Variants in SERPINA7 observed in about 807,000 individuals in gnomAD.
SERPINA7 encodes the protein thyroxine-binding globulin.
SERPINA7 carries 14 observed loss-of-function variants against 16.0 expected under a neutral mutation model. That is an observed-to-expected ratio of 0.88 (90% CI 0.58 to 1.37). SERPINA7 has a LOEUF of 1.37. SERPINA7 is among the 40% of genes most tolerant of loss of function. The pLI is 0.00. For synonymous variants in SERPINA7, 140 were observed against 111.0 expected (o/e 1.26, Z -1.65); for missense variants, 335 against 296.6 (o/e 1.13, Z -0.95).
Position 106,035,274 on chromosome X carries a change from T to C in SERPINA7, c.734A>G (p.Tyr245Cys). The change falls in exon 3 of 5, where the codon TAT (tyrosine) becomes TGT (cysteine). Residue 245 changes from tyrosine to cysteine, a missense_variant. Tyr to Cys is a radical substitution (Grantham distance 194, BLOSUM62 -2). Coordinates refer to ENST00000372563, the MANE Select transcript of SERPINA7 (RefSeq NM_000354.6). ...VPMMHQMEQY[Y>C]HLVDMELNCT... ...GTTCAATTCCATATCCACTAGGTGA[T>C]AGTATTGTTCCATCTGGTGCATCAT... is the stretch of plus-strand genomic sequence containing the variant. The C allele has an allele frequency of 8.3e-7, 1 of 1,209,643 alleles. No homozygotes were observed. The highest frequency in any genetic ancestry group is 1.8e-5 in the South Asian group (1 of 56,823).
chrX:106,037,246 A>C, intron 1 of SERPINA7, 171 bp from the exon 2 acceptor site: 1 of 451,561 alleles, frequency 2.2e-6, no homozygotes, highest in South Asian at 3.4e-5. Flanking sequence ...AAAACAGGAG[A>C]TGCATCTAAT....
intron 2 of SERPINA7, among the ~76,000 whole-genome samples, chrX:106,035,756 T>C (rs1222029559): frequency 8.9e-6 from 1 of 112,409 alleles, no homozygotes; most frequent in Non-Finnish European, 1.9e-5. Context: ...AATCTATCTA[T>C]GTGTGGTTTG....
chrX:106,034,203 A>G (rs1241374739), intron 4 of SERPINA7, 32 bp downstream of exon 4: 1 of 1,189,452 alleles, frequency 8.4e-7, no homozygotes, highest in Admixed American at 2.2e-5. Context: ...CTTCCAGTTC[A>G]TACATTTAAG....
In SERPINA7 at chrX:106,033,512, T is replaced by C. The variant is rs1285325942; in HGVS notation, c.1236A>G (p.Pro412=). The C allele has an allele frequency of 4.1e-6, 5 of 1,209,624 alleles. No individual in the cohort carries two copies. In the African/African-American group the frequency reaches 8.7e-5, roughly 21 times the overall value. ...GCCTTTTTCCCAACTACGCTTCCGT[T>C]GGGTTCACAACTTTCCCTAGAAAGA... ...SILFLGKVVN[P]TEA is the part of the protein sequence containing the mutation. Residue 412 remains proline, a synonymous_variant, in exon 5 of 5, where the codon CCA becomes CCG. Transcript: ENST00000372563.
At position 106,033,104 on chromosome X, in the gene SERPINA7, T is replaced by A. The variant is rs1361699314; in HGVS notation, c.*396A>T. 9.4e-6 allele frequency: 2 copies of A among 212,716 alleles called. No homozygotes were observed. Among genetic ancestry groups the A allele is most frequent in the Non-Finnish European group, 1.7e-5 (2 of 117,140 alleles). 17.5% of individuals were successfully genotyped at this position (212,716 alleles called of 1,213,427 possible). A position where few individuals can be genotyped will look rare whatever the true frequency, so the allele number is the denominator to read the frequency against. ...AGAAGTTCACATATAAGACAATGCA[T>A]CTGCATTGTTTTATGTCCATTGATC... On this transcript the variant is annotated 3_prime_UTR_variant, in exon 5 of 5. Transcript: ENST00000372563.
intron 2 of SERPINA7, 53 bp from the exon 3 acceptor site, chrX:106,035,438 A>T: frequency 9.0e-7 from 1 of 1,110,689 alleles, no homozygotes; most frequent in Non-Finnish European, 1.2e-6. Context: ...ATCAGTACCA[A>T]CAAGACCTTT....
rs758185127 is a variant in SERPINA7, at chrX:106,036,808, GC to G, written c.250del (p.Ala84ProfsTer23). 1 of 1,211,020 alleles carries G rather than the reference GC, an allele frequency of 8.3e-7. No individual in the cohort carries two copies. On this transcript the variant is annotated frameshift_variant, in exon 2 of 5. Transcript: ENST00000372563. LOFTEE classifies it high-confidence loss of function. ...AATCTCAGTTTGGGTGCTGCAGCAG[GC>G]CCCAAAGGAAAGCATAACCAAAGCT... ...SAALVMLSFG[A>X]CCSTQTEIVE...
At chrX:106,034,116 GA>G in intron 4 of SERPINA7, 118 bp downstream of exon 4, 1 of 676,593 alleles carries the variant, frequency 1.5e-6, no homozygotes, top group Non-Finnish European at 2.3e-6. Context: ...AGCTTAGGAG[GA>G]GTCACACCGC....
At position 106,036,432 on chromosome X, in the gene SERPINA7, C is replaced by G; in HGVS notation, c.622+5G>C. ...AGACTGAAAATTGACATCTGAAAGTCTTACCTTTAAAGTGAATATAGTTCA... is the reference window on the plus strand; with the variant it reads ...AGACTGAAAATTGACATCTGAAAGTGTTACCTTTAAAGTGAATATAGTTCA... On this transcript the variant is annotated splice_donor_5th_base_variant and intron_variant, in intron 2 of 4. Coordinates refer to ENST00000372563, the MANE Select transcript of SERPINA7 (RefSeq NM_000354.6). 2 of 1,210,623 alleles carry G rather than the reference C, an allele frequency of 1.7e-6. No individual in the cohort carries two copies. The highest frequency in any genetic ancestry group is 2.2e-6 in the Non-Finnish European group (2 of 894,788).
chrX:106,037,718 A>G (rs2147843701), intron 1 of SERPINA7, among the ~76,000 whole-genome samples: 1 of 111,518 alleles, frequency 9.0e-6, no homozygotes, highest in African/African-American at 3.3e-5. Flanking sequence ...TGAAAGAATA[A>G]TTTTCTAAAT....
rs771439224 is a variant in SERPINA7, at chrX:106,033,530, T to C, written c.1218A>G (p.Leu406=). ...CTTCCGTTGGGTTCACAACTTTCCC[T>C]AGAAAGAGAATACTCCTTGTGCTTC... ...LERSTRSILF[L]GKVVNPTEA The change falls in exon 5 of 5, where the codon CTA becomes CTG. Residue 406 remains leucine, a synonymous_variant. Coordinates refer to ENST00000372563, the MANE Select transcript of SERPINA7 (RefSeq NM_000354.6). 4.1e-6 allele frequency: 5 copies of C among 1,211,442 alleles called. No individual in the cohort carries two copies. The Admixed American group carries it at 8.7e-5, about 21-fold the overall frequency.
At chrX:106,035,004 C>T in intron 3 of SERPINA7, 108 bp downstream of exon 3, 2 of 915,489 alleles carry the variant, frequency 2.2e-6, no homozygotes, top group South Asian at 2.0e-5. Flanking sequence ...TCATACATAG[C>T]TGTTGGGTAG....
chrX:106,033,885 C>T (rs745568624), intron 4 of SERPINA7, 182 bp from the exon 5 acceptor site: 178 of 909,520 alleles, frequency 2.0e-4, no homozygotes, highest in Non-Finnish European at 2.6e-4. Context: ...GATTCTACGG[C>T]TAGCCATTGG....
chrX:106,036,743 C>T lies in SERPINA7; in HGVS notation c.316G>A (p.Val106Ile), dbSNP rs1254254939. 1 of 1,210,957 alleles carries T rather than the reference C, an allele frequency of 8.3e-7. No individual in the cohort carries two copies. ...LGFNLTDTPM[V>I]EIQHGFQHLI... ...TGCTGGAAGCCATGCTGGATCTCTA[C>T]CATTGGAGTGTCTGTGAGGTTGAAC... The change falls in exon 2 of 5, where the codon GTA (valine) becomes ATA (isoleucine). Residue 106 changes from valine (V) to isoleucine (I), a missense_variant. Coordinates refer to ENST00000372563, the MANE Select transcript of SERPINA7 (RefSeq NM_000354.6).
In SERPINA7 at chrX:106,032,577, C is replaced by T. The variant is rs952217017; in HGVS notation, c.*923G>A. 1 of 111,690 alleles carries T rather than the reference C, an allele frequency of 9.0e-6. No individual in the cohort carries two copies. Among genetic ancestry groups the T allele is most frequent in the African/African-American group, 3.3e-5 (1 of 30,731 alleles). 9.2% of individuals were successfully genotyped at this position (111,690 alleles called of 1,213,427 possible). A position where few individuals can be genotyped will look rare whatever the true frequency, so the allele number is the denominator to read the frequency against. On this transcript the variant is annotated 3_prime_UTR_variant, in exon 5 of 5. Coordinates refer to ENST00000372563, the MANE Select transcript of SERPINA7 (RefSeq NM_000354.6). ...TCAGATACTACATCATTACCACTCA[C>T]TGTGCCATTTATACTCAAGCTTTAA...
At chrX:106,035,006 G>T (rs1285905282) in intron 3 of SERPINA7, 106 bp downstream of exon 3, 3 of 932,104 alleles carry the variant, frequency 3.2e-6, no homozygotes, top group Non-Finnish European at 4.7e-6. Context: ...ATACATAGCT[G>T]TTGGGTAGTT....
chrX:106,033,882 C>T (rs746453323), intron 4 of SERPINA7, 179 bp from the exon 5 acceptor site: 60 of 917,769 alleles, frequency 6.5e-5, no homozygotes, highest in African/African-American at 6.5e-4. Context: ...GGCGATTCTA[C>T]GGCTAGCCAT....
chrX:106,035,066 C>T (rs370955959), intron 3 of SERPINA7, 46 bp downstream of exon 3: 2 of 1,202,110 alleles, frequency 1.7e-6, no homozygotes, highest in Non-Finnish European at 2.3e-6. Context: ...GTCTCACCTG[C>T]ACTTTTATGC....
At chrX:106,036,344 A>G in intron 2 of SERPINA7, 93 bp downstream of exon 2, 1 of 956,975 alleles carries the variant, frequency 1.0e-6, no homozygotes, top group Non-Finnish European at 1.5e-6. Context: ...AGGGACACCT[A>G]CTGATGCCAG....
Sources: gnomAD v4.1 joint callset for allele counts (sites outside exome capture counted in the v4.1 genomes callset) on GRCh38, gnomAD v4.1.1 for gene constraint, MANE v1.5 for transcripts, NCBI Gene and HGNC (gene_info 2026-07-23, HGNC 2026-07-21) for gene names.